The following CSMD1 variants were observed in gnomAD, a reference collection of about 807,000 sequenced individuals.
CSMD1 encodes the protein CUB and sushi domain-containing protein 1.
A neutral mutation model predicts 417.5 loss-of-function variants in CSMD1; 213 were observed. The ratio of observed to expected loss-of-function variants is 0.51; its 90% CI spans 0.46 to 0.57. CSMD1 has a LOEUF of 0.57. CSMD1 is among the 20% of genes least tolerant of loss of function. The pLI, the probability that CSMD1 is intolerant of heterozygous loss-of-function variation, is 0.00. For synonymous variants in CSMD1, 2,862 were observed against 1,736.8 expected, an observed-to-expected ratio of 1.65 and a Z score of -16.11; for missense variants, 6,923 against 4,529.7, an observed-to-expected ratio of 1.53 and a Z score of -15.17.
At position 4,106,986 on chromosome 8, in the gene CSMD1, G is replaced by A. The variant is rs192894488; in HGVS notation, c.416-74887C>T. Among the ~76,000 whole-genome samples the A allele has an allele frequency of 2.3e-3, 349 of 152,286 alleles. 2 individuals carry two copies. The highest frequency in any genetic ancestry group is 7.7e-3 in the African/African-American group (322 of 41,564). On this transcript the variant is annotated intron_variant, in intron 3 of 69. Coordinates refer to ENST00000635120, the MANE Select transcript of CSMD1 (RefSeq NM_033225.6). ...GCTCTACGTCAGAGACTCAGCAGAT[G>A]GGCCTTAGACAACACTAACAGGAGA...
intron 1 of CSMD1, among the ~76,000 whole-genome samples, chr8:4,714,697 A>T (rs1405076588): frequency 6.6e-6 from 1 of 152,210 alleles, no homozygotes; most frequent in Non-Finnish European, 1.5e-5. Context: ...AGGCAGTTCA[A>T]ATTTACTCGA....
At chr8:4,908,485 A>C (rs1245054654) in intron 1 of CSMD1, among the ~76,000 whole-genome samples, 1 of 152,084 alleles carries the variant, frequency 6.6e-6, no homozygotes, top group Non-Finnish European at 1.5e-5. Flanking sequence ...AATGAATTTT[A>C]CGGTGTACCT....
At chr8:3,126,752 C>T (rs761307182) in intron 41 of CSMD1, among the ~76,000 whole-genome samples, 2 of 152,210 alleles carry the variant, frequency 1.3e-5, no homozygotes, top group African/African-American at 4.8e-5. Context: ...AGTCCCAGCA[C>T]CTGCTTATGA....
At chr8:3,715,529 A>C (rs563918046) in intron 6 of CSMD1, among the ~76,000 whole-genome samples, 1 of 152,250 alleles carries the variant, frequency 6.6e-6, no homozygotes, top group East Asian at 1.9e-4. Flanking sequence ...AAGACAAAGC[A>C]AGCAACCTTT....
chr8:3,611,087 TG>T (rs1003945700), intron 8 of CSMD1, among the ~76,000 whole-genome samples: 1 of 63,506 alleles, frequency 1.6e-5, no homozygotes, highest in African/African-American at 6.4e-5. Flanking sequence ...TGTTGTGGGG[TG>T]GGGGGAGGGG....
rs187391782 is a variant in CSMD1 at position 4,744,371 on chromosome 8, G to C, written c.86-106813C>G. ...CAACTTCTTTCCATTTCAGTGTTTC[G>C]TATTGTCTCTTCTCCAACCTCTCAG... On this transcript the variant is annotated intron_variant, in intron 1 of 69. Transcript: ENST00000635120. Among the ~76,000 whole-genome samples, 433 of 152,168 alleles carry C rather than the reference G, an allele frequency of 2.8e-3. 5 individuals are homozygous for C. Among genetic ancestry groups the C allele is most frequent in the African/African-American group, 9.5e-3 (395 of 41,508 alleles).
intron 3 of CSMD1, among the ~76,000 whole-genome samples, chr8:4,282,052 G>A (rs951700995): frequency 3.3e-5 from 5 of 152,048 alleles, no homozygotes; most frequent in African/African-American, 1.2e-4. Flanking sequence ...ACTTTCCCTG[G>A]GTTGTAGCAC....
At chr8:4,298,461 CTTAG>C (rs539826117) in intron 3 of CSMD1, among the ~76,000 whole-genome samples, 15 of 152,176 alleles carry the variant, frequency 9.9e-5, no homozygotes, top group Middle Eastern at 3.4e-3. Flanking sequence ...CAGGAAATTA[CTTAG>C]TGAGTACAAT....
chr8:3,911,453 G>C (rs1036873712), intron 5 of CSMD1, among the ~76,000 whole-genome samples: 12 of 151,562 alleles, frequency 7.9e-5, no homozygotes, highest in Admixed American at 5.3e-4. Flanking sequence ...GCGTGAACCC[G>C]CGAGGCGGAG....
At chr8:4,070,543 G>A (rs529131711) in intron 3 of CSMD1, among the ~76,000 whole-genome samples, 1 of 152,058 alleles carries the variant, frequency 6.6e-6, no homozygotes, top group African/African-American at 2.4e-5. Flanking sequence ...ATTTTTAGTA[G>A]AGACGGGGTT....
rs538288921 is a variant in CSMD1, at chr8:4,416,562, G to C, written c.415+3391C>G. ...TAGATGCACGCATTTCCAACATTTA[G>C]CTTACGTTTTTACTAATAAGGGCAA... is the stretch of plus-strand genomic sequence containing the variant. On this transcript the variant is annotated intron_variant, in intron 3 of 69. Transcript: ENST00000635120. Among the ~76,000 whole-genome samples the C allele has an allele frequency of 3.9e-4, 59 of 152,090 alleles. No individual in the cohort carries two copies. The South Asian group carries it at 0.011, about 29-fold the overall frequency.
chr8:4,303,572 G>A (rs550099533), intron 3 of CSMD1, among the ~76,000 whole-genome samples: 4 of 151,816 alleles, frequency 2.6e-5, no homozygotes, highest in Non-Finnish European at 5.9e-5. Flanking sequence ...TCTCAGCAGC[G>A]TTGGTGACTG....
intron 5 of CSMD1, among the ~76,000 whole-genome samples, chr8:3,767,995 T>C (rs1798377380): frequency 6.6e-6 from 1 of 152,228 alleles, no homozygotes; most frequent in Non-Finnish European, 1.5e-5. Context: ...CATATGTCTT[T>C]GCAGTTCCAA....
At chr8:3,677,845 C>T (rs1376636027) in intron 7 of CSMD1, among the ~76,000 whole-genome samples, 1 of 152,110 alleles carries the variant, frequency 6.6e-6, no homozygotes, top group African/African-American at 2.4e-5. Context: ...CATTCTTTAA[C>T]TCTAAACCCC....
intron 8 of CSMD1, among the ~76,000 whole-genome samples, chr8:3,598,115 A>G (rs530562547): frequency 8.5e-5 from 13 of 152,318 alleles, no homozygotes; most frequent in Non-Finnish European, 1.0e-4. Context: ...TAGAAATAAA[A>G]TCATATATTT....
intron 1 of CSMD1, among the ~76,000 whole-genome samples, chr8:4,876,757 A>T (rs1056545048): frequency 6.6e-6 from 1 of 152,056 alleles, no homozygotes; most frequent in Non-Finnish European, 1.5e-5. Context: ...ACCAGTTTAC[A>T]TCTGGAGTCA....
intron 1 of CSMD1, among the ~76,000 whole-genome samples, chr8:4,815,459 G>A (rs1460060204): frequency 6.6e-6 from 1 of 151,988 alleles, no homozygotes; most frequent in East Asian, 1.9e-4. Flanking sequence ...ACTTTGGGAG[G>A]CTGAGGTGGG....
At chr8:3,589,055 C>T (rs1001691081) in intron 8 of CSMD1, among the ~76,000 whole-genome samples, 1 of 151,968 alleles carries the variant, frequency 6.6e-6, no homozygotes, top group Non-Finnish European at 1.5e-5. Context: ...GTTAAGATGG[C>T]TATTATCAAA....
chr8:3,525,195 G>C (rs749773140), intron 10 of CSMD1, among the ~76,000 whole-genome samples: 1 of 152,088 alleles, frequency 6.6e-6, no homozygotes, highest in African/African-American at 2.4e-5. Context: ...AGACTCAGCC[G>C]TCAGAAATCA....
Sources: gnomAD v4.1 joint callset for allele counts (sites outside exome capture counted in the v4.1 genomes callset) on GRCh38, gnomAD v4.1.1 for gene constraint, MANE v1.5 for transcripts, NCBI Gene and HGNC (gene_info 2026-07-23, HGNC 2026-07-21) for gene names.